Variants in RANBP2 observed in about 807,000 individuals in gnomAD.
RANBP2 encodes E3 SUMO-protein ligase RanBP2.
RANBP2 carries 57 observed loss-of-function variants against 303.6 expected under a neutral mutation model. The ratio of observed to expected loss-of-function variants is 0.19; its 90% CI spans 0.15 to 0.23. The LOEUF is 0.23. Ranked by LOEUF, RANBP2 falls within the 10% of genes least tolerant of loss-of-function variation. The pLI is 1.00. For synonymous variants in RANBP2, 1,167 were observed against 1,301.5 expected, an observed-to-expected ratio of 0.90 and a Z score of 2.23; for missense variants, 3,138 against 3,780.8, an observed-to-expected ratio of 0.83 and a Z score of 4.46.
At chr2:109,166,127 G>T in the RANBP2 span, among the ~76,000 whole-genome samples, 2 of 152,220 alleles carry the variant, frequency 1.3e-5, no homozygotes, top group African/African-American at 4.8e-5. Flanking sequence ...CAGGCACAAA[G>T]AAGTAGTGCA....
the RANBP2 span, among the ~76,000 whole-genome samples, chr2:109,507,287 G>T: frequency 1.3e-5 from 2 of 152,186 alleles, no homozygotes; most frequent in African/African-American, 4.8e-5. Context: ...CACAGACCAG[G>T]GACCGTCTTG....
the RANBP2 span, among the ~76,000 whole-genome samples, chr2:109,586,381 A>C: frequency 1.3e-5 from 2 of 152,182 alleles, no homozygotes; most frequent in Admixed American, 6.5e-5. Context: ...AAGGAAACTT[A>C]TCAGGTGAGA....
chr2:109,398,567 C>T, the RANBP2 span: 1 of 1,525,654 alleles, frequency 6.6e-7, no homozygotes, highest in Non-Finnish European at 8.8e-7. Context: ...AATGCAGCCT[C>T]CCCTCTCCCC....
At chr2:109,565,989 C>T in the RANBP2 span, 1 of 810,142 alleles carries the variant, frequency 1.2e-6, no homozygotes, top group Non-Finnish European at 2.0e-6. Flanking sequence ...AGCTATGCCT[C>T]AGATTTTAAA....
At chr2:109,343,028 A>G in the RANBP2 span, among the ~76,000 whole-genome samples, 1 of 152,150 alleles carries the variant, frequency 6.6e-6, no homozygotes, top group East Asian at 1.9e-4. Context: ...GAAGGGGAGC[A>G]CGCCGCAGTG....
chr2:109,107,910 A>G, the RANBP2 span, among the ~76,000 whole-genome samples: 1 of 134,348 alleles, frequency 7.4e-6, no homozygotes, highest in Non-Finnish European at 1.6e-5. Flanking sequence ...TAATGTTTGT[A>G]TATATATTTT....
chr2:108,996,611 C>T, the RANBP2 span, among the ~76,000 whole-genome samples: 1 of 152,156 alleles, frequency 6.6e-6, no homozygotes, highest in Non-Finnish European at 1.5e-5. Context: ...ACTTCCATTC[C>T]CCCCTGCCCA....
In RANBP2 at chr2:108,763,576, G is replaced by T; in HGVS notation, c.3037G>T (p.Glu1013Ter). 6.2e-7 allele frequency: 1 copy of T among 1,614,118 alleles called. No homozygotes were observed. Among genetic ancestry groups the T allele is most frequent in the Non-Finnish European group, 8.5e-7 (1 of 1,179,996 alleles). Residue 1013 changes from glutamate (E) to a stop codon, truncating the protein, a stop_gained, in exon 20 of 29, where the codon GAA becomes TAA. Transcript: ENST00000283195. LOFTEE classifies it high-confidence loss of function. The stretch of plus-strand genomic sequence containing the variant: ...TAATTTTGTTCAGCCCATGCCGGGT[G>T]AAGGATTAAGGCCATCTTTGCCAAC... ...KTNFVQPMPG[E>*]GLRPSLPTQA...
chr2:109,381,547 G>A, the RANBP2 span, among the ~76,000 whole-genome samples: 2 of 152,040 alleles, frequency 1.3e-5, no homozygotes, highest in African/African-American at 4.8e-5. Flanking sequence ...CCCTGACTCA[G>A]CTTCCAGTCC....
At chr2:108,963,256 G>A in the RANBP2 span, among the ~76,000 whole-genome samples, 2 of 152,152 alleles carry the variant, frequency 1.3e-5, no homozygotes, top group South Asian at 2.1e-4. Context: ...AAAGGGCTAC[G>A]TAAGCAAAAA....
At chr2:109,023,212 C>T in the RANBP2 span, among the ~76,000 whole-genome samples, 64,216 of 152,072 alleles carry the variant, frequency 0.42, 15,724 homozygotes, top group East Asian at 0.64. Context: ...CCTGCAACAG[C>T]GCAGGCTGCG....
the RANBP2 span, among the ~76,000 whole-genome samples, chr2:109,073,131 A>G: frequency 6.6e-6 from 1 of 152,238 alleles, no homozygotes; most frequent in Non-Finnish European, 1.5e-5. Context: ...AAAAATCAAA[A>G]GACCTGTCAC....
the RANBP2 span, among the ~76,000 whole-genome samples, chr2:109,414,813 C>T: frequency 6.6e-5 from 10 of 152,228 alleles, no homozygotes; most frequent in African/African-American, 1.9e-4. Flanking sequence ...GCTAGAAACT[C>T]GGCCCATGCT....
the RANBP2 span, chr2:109,615,303 A>G: frequency 6.2e-7 from 1 of 1,604,582 alleles, no homozygotes; most frequent in Non-Finnish European, 8.5e-7. Flanking sequence ...GCACGCGTGG[A>G]TGCTCTCTGC....
the RANBP2 span, among the ~76,000 whole-genome samples, chr2:109,107,974 C>T: frequency 1.3e-5 from 2 of 152,166 alleles, no homozygotes. Context: ...GGCATGACCT[C>T]CGCTCACTGC....
chr2:109,303,920 G>A, the RANBP2 span, among the ~76,000 whole-genome samples: 3 of 151,946 alleles, frequency 2.0e-5, no homozygotes, highest in Non-Finnish European at 4.4e-5. Context: ...CTTACTATAA[G>A]ATATAACCCC....
At chr2:109,576,024 A>G in the RANBP2 span, among the ~76,000 whole-genome samples, 1 of 152,138 alleles carries the variant, frequency 6.6e-6, no homozygotes, top group Non-Finnish European at 1.5e-5. Context: ...TGGGAGACCA[A>G]GGCAGGAGGA....
At chr2:108,825,355 G>T in the RANBP2 span, among the ~76,000 whole-genome samples, 1 of 151,648 alleles carries the variant, frequency 6.6e-6, no homozygotes, top group Admixed American at 6.6e-5. Flanking sequence ...GTGCAATTCA[G>T]TGTTTTTTTT....
the RANBP2 span, among the ~76,000 whole-genome samples, chr2:109,416,227 C>T: frequency 2.0e-5 from 3 of 152,152 alleles, no homozygotes; most frequent in East Asian, 1.9e-4. Flanking sequence ...CTCCCAGCCA[C>T]GCCCAGCCCA....
Sources: gnomAD v4.1 joint callset for allele counts (sites outside exome capture counted in the v4.1 genomes callset) on GRCh38, gnomAD v4.1.1 for gene constraint, MANE v1.5 for transcripts, NCBI Gene and HGNC (gene_info 2026-07-23, HGNC 2026-07-21) for gene names.